PFAS: variants seen among roughly 807,000 people sequenced by gnomAD.
PFAS encodes the protein phosphoribosylformylglycinamidine synthase.
A neutral mutation model predicts 140.6 loss-of-function variants in PFAS; 97 were observed. The observed-to-expected ratio is 0.69, with a 90% CI of 0.59 to 0.82. The LOEUF is 0.82. Ranked by LOEUF, PFAS falls within the 40% of genes least tolerant of loss-of-function variation. The pLI is 0.00. For synonymous variants in PFAS, 679 were observed against 718.8 expected, an observed-to-expected ratio of 0.94 and a Z score of 0.88; for missense variants, 1,656 against 1,780.2, an observed-to-expected ratio of 0.93 and a Z score of 1.26.
In PFAS at chr17:8,265,384, G is replaced by A; in HGVS notation, c.2377G>A (p.Ala793Thr). Residue 793 changes from alanine (A) to threonine (T), a missense_variant, in exon 19 of 28, where the codon GCA (alanine) becomes ACA (threonine). Around this residue, in one of 2 missense-constraint regions of PFAS, gnomAD observed 883 missense variants for 1,023.0 expected, o/e 0.86. Coordinates refer to ENST00000314666, the MANE Select transcript of PFAS (RefSeq NM_012393.3). The stretch of plus-strand genomic sequence containing the variant: ...CTGTGAGGCTATGGTGGCAGTGATG[G>A]CAGCCCTGGGTGTGGCAGTGGATGG... The part of the protein sequence containing the change: ...DACEAMVAVM[A>T]ALGVAVDGGK... 2 of 1,614,186 alleles carry A rather than the reference G, an allele frequency of 1.2e-6. No individual in the cohort carries two copies. Among genetic ancestry groups the A allele is most frequent in the Non-Finnish European group, 1.7e-6 (2 of 1,180,024 alleles).
At position 8,266,624 on chromosome 17, in the gene PFAS, T is replaced by A. The variant is rs1989824663; in HGVS notation, c.2822-129T>A. 1 of 1,499,954 alleles carries A rather than the reference T, an allele frequency of 6.7e-7. No individual in the cohort carries two copies. Among genetic ancestry groups the A allele is most frequent in the Non-Finnish European group, 8.8e-7 (1 of 1,132,138 alleles). The allele number at this position is 1,499,954 out of a possible 1,614,324, so 92.9% of individuals were successfully genotyped here. A position where few individuals can be genotyped will look rare whatever the true frequency, so the allele number is the denominator to read the frequency against. On this transcript the variant is annotated intron_variant, in intron 22 of 27. Transcript: ENST00000314666. This position sits in a 1 kb window ranked among gnomAD's most constrained non-coding sequence, Gnocchi z 5.0. ...CTGCCGTCCTAGCCCTCATCCTCCC[T>A]GATCCCTACCCTACTCTCTGGCTGC...
rs1380189663 is a variant in PFAS at position 8,267,090 on chromosome 17, C to T, written c.3030C>T (p.Leu1010=). The change falls in exon 24 of 28, where the codon CTC becomes CTT. Residue 1010 remains leucine, a synonymous_variant. Coordinates refer to ENST00000314666, the MANE Select transcript of PFAS (RefSeq NM_012393.3). The surrounding 1 kb of genome is among the most constrained non-coding windows in gnomAD (Gnocchi z 4.9). ...LEEPVGELRA[L]WEETSFQLDR... is the part of the protein sequence containing the mutation. ...AGCCTGTTGGGGAGCTGCGAGCCCTCTGGGAGGAGACGAGTTTCCAGCTGG... is the reference window on the plus strand; with the variant it reads ...AGCCTGTTGGGGAGCTGCGAGCCCTTTGGGAGGAGACGAGTTTCCAGCTGG... 2 of 1,614,008 alleles carry T rather than the reference C, an allele frequency of 1.2e-6. No individual in the cohort carries two copies. The highest frequency in any genetic ancestry group is 1.7e-6 in the Non-Finnish European group (2 of 1,179,984).
Position 8,256,364 on chromosome 17 carries a change from T to C in PFAS, c.778T>C (p.Ser260Pro), listed in dbSNP as rs376354399. ...TGAGTCCATCATGAGCACCCAGGAA[T>C]CCTCGAACCCCAACAACGTCCTCAA... ...LFESIMSTQE[S>P]SNPNNVLKFC... The change falls in exon 7 of 28, where the codon TCC becomes CCC. Residue 260 changes from serine to proline, a missense_variant. Around this residue, in one of 2 missense-constraint regions of PFAS, gnomAD observed 773 missense variants for 757.3 expected, o/e 1.02. Coordinates refer to ENST00000314666, the MANE Select transcript of PFAS (RefSeq NM_012393.3). 11 of 1,613,950 alleles carry C rather than the reference T, an allele frequency of 6.8e-6. No individual in the cohort carries two copies. Among genetic ancestry groups the C allele is most frequent in the African/African-American group, 1.3e-5 (1 of 74,914 alleles).
At chr17:8,254,114 C>A in intron 2 of PFAS, 35 bp downstream of exon 2, 1 of 1,613,822 alleles carries the variant, frequency 6.2e-7, no homozygotes, top group African/African-American at 1.3e-5. Flanking sequence ...GGGGGACATG[C>A]CTCGGTGCTG....
Position 8,256,301 on chromosome 17 carries a change from C to T in PFAS, c.715C>T (p.Leu239Phe), listed in dbSNP as rs1989362537. 6.2e-7 allele frequency: 1 copy of T among 1,613,974 alleles called. No homozygotes were observed. The highest frequency in any genetic ancestry group is 1.7e-5 in the Admixed American group (1 of 59,998). ...HSRHWFFKGQ[L>F]HVDGQKLVHS... ...CCGACACTGGTTCTTCAAGGGCCAGCTCCACGTGGATGGGCAGAAGCTGGT... is the reference window on the plus strand; with the variant it reads ...CCGACACTGGTTCTTCAAGGGCCAGTTCCACGTGGATGGGCAGAAGCTGGT... Residue 239 changes from leucine (L) to phenylalanine (F), a missense_variant, in exon 7 of 28, where the codon CTC becomes TTC. This residue lies in a region of PFAS where 773 missense variants were observed against 757.3 expected (regional missense o/e 1.02). Transcript: ENST00000314666.
At chr17:8,256,814 C>G (rs77759461) in intron 8 of PFAS, 21 bp from the exon 9 acceptor site, 24,798 of 1,582,782 alleles carry the variant, frequency 0.016, 258 homozygotes, top group Middle Eastern at 0.057. Flanking sequence ...ACCCAGACCT[C>G]TCCCCACTCT....
intron 26 of PFAS, 118 bp from the exon 27 acceptor site, chr17:8,268,415 A>G (rs1597431965): frequency 1.6e-6 from 1 of 637,954 alleles, no homozygotes. Context: ...GGAAGGAGGG[A>G]GGGAGGGAAA....
chr17:8,249,049 G>C (rs1007770466), upstream of PFAS, among the ~76,000 whole-genome samples: 1 of 152,200 alleles, frequency 6.6e-6, no homozygotes, highest in Admixed American at 6.5e-5. Flanking sequence ...TCACATGCTT[G>C]CTTTATGGCC....
At position 8,263,435 on chromosome 17, in the gene PFAS, G is replaced by A. The variant is rs961423867; in HGVS notation, c.1568-140G>A. 8.7e-5 allele frequency: 87 copies of A among 1,002,794 alleles called. No individual in the cohort carries two copies. In the African/African-American group the frequency reaches 9.7e-4, roughly 11 times the overall value. The allele number at this position is 1,002,794 out of a possible 1,614,324, so 62.1% of individuals were successfully genotyped here. A position where few individuals can be genotyped will look rare whatever the true frequency, so the allele number is the denominator to read the frequency against. On this transcript the variant is annotated intron_variant, in intron 13 of 27. Coordinates refer to ENST00000314666, the MANE Select transcript of PFAS (RefSeq NM_012393.3). ...GTTGGAAGGGTGGAAGCCTGCTGCC[G>A]TGGGATGATTGGTGGTAAGGGTGCG...
At position 8,269,138 on chromosome 17, in the gene PFAS, C is replaced by T. The variant is rs2151599156; in HGVS notation, c.3891C>T (p.His1297=). The T allele has an allele frequency of 1.2e-6, 2 of 1,613,986 alleles. No homozygotes were observed. Among genetic ancestry groups the T allele is most frequent in the Middle Eastern group, 1.6e-4 (1 of 6,062 alleles). Residue 1297 remains histidine (H), a synonymous_variant, in exon 28 of 28, where the codon CAC becomes CAT. Coordinates refer to ENST00000314666, the MANE Select transcript of PFAS (RefSeq NM_012393.3). The part of the protein sequence containing the change: ...CDGRHLAVMP[H]PERAVRPWQW... ...GCCGCCACCTGGCTGTCATGCCTCA[C>T]CCTGAGCGGGCCGTTAGGCCTTGGC...
Position 8,255,119 on chromosome 17 carries a change from G to A in PFAS, c.371G>A (p.Arg124His), listed in dbSNP as rs1265672905. 3 of 1,610,562 alleles carry A rather than the reference G, an allele frequency of 1.9e-6. No individual in the cohort carries two copies. The highest frequency in any genetic ancestry group is 1.7e-4 in the Middle Eastern group (1 of 6,048). ...GPVDRVETTR[R>H]YRLSFAHPPS... ...GTGGATCGTGTGGAGACCACCCGGC[G>A]CTACCGGCTCTCGGTGAGGTGATGG... The change falls in exon 4 of 28, where the codon CGC becomes CAC. Residue 124 changes from arginine to histidine, a missense_variant. Arg to His is a conservative substitution (Grantham distance 29, BLOSUM62 0). This residue lies in a region of PFAS where 773 missense variants were observed against 757.3 expected (regional missense o/e 1.02). Transcript: ENST00000314666.
Position 8,265,561 on chromosome 17 carries a change from C to T in PFAS, c.2467C>T (p.Leu823=). 1 of 1,614,110 alleles carries T rather than the reference C, an allele frequency of 6.2e-7. No individual in the cohort carries two copies. Among genetic ancestry groups the T allele is most frequent in the Non-Finnish European group, 8.5e-7 (1 of 1,179,938 alleles). ...GACTCCTCCTTGCTCTACAGGGTCA[C>T]TGGTCATCTCAGCCTATGCCGTCTG... The part of the protein sequence containing the change: ...GTETVRAPGS[L]VISAYAVCPD... The change falls in exon 20 of 28, where the codon CTG becomes TTG. Residue 823 remains leucine, a synonymous_variant. Coordinates refer to ENST00000314666, the MANE Select transcript of PFAS (RefSeq NM_012393.3).
At position 8,255,092 on chromosome 17, in the gene PFAS, C is replaced by T. The variant is rs374262908; in HGVS notation, c.344C>T (p.Pro115Leu). The change falls in exon 4 of 28, where the codon CCT (proline) becomes CTT (leucine). Residue 115 changes from proline (P) to leucine (L), a missense_variant. Around this residue, in one of 2 missense-constraint regions of PFAS, gnomAD observed 773 missense variants for 757.3 expected, o/e 1.02. Coordinates refer to ENST00000314666, the MANE Select transcript of PFAS (RefSeq NM_012393.3). ...GTGTGCCGCGCCACTGGGCTGGGGC[C>T]TGTGGATCGTGTGGAGACCACCCGG... is the stretch of plus-strand genomic sequence containing the variant. ...VSVCRATGLG[P>L]VDRVETTRRY... is the part of the protein sequence containing the mutation. 5.6e-6 allele frequency: 9 copies of T among 1,613,730 alleles called. No homozygotes were observed. The highest frequency in any genetic ancestry group is 6.8e-6 in the Non-Finnish European group (8 of 1,179,980).
rs749899873 is a variant in PFAS at position 8,258,087 on chromosome 17, GGGCCTCCAGC to G, written c.1225_1234del (p.Gly409SerfsTer27). 1 of 1,614,122 alleles carries G rather than the reference GGGCCTCCAGC, an allele frequency of 6.2e-7. No individual in the cohort carries two copies. The highest frequency in any genetic ancestry group is 8.5e-7 in the Non-Finnish European group (1 of 1,180,028). On this transcript the variant is annotated frameshift_variant, in exon 11 of 28. Transcript: ENST00000314666. LOFTEE classifies it high-confidence loss of function. The stretch of plus-strand genomic sequence containing the variant: ...ACACTCCAGGCTTCGCCCGCTCCTT[GGGCCTCCAGC>G]TCCCAGACGGCCAGCGGCGTGAGTG...
In PFAS at chr17:8,266,532, A is replaced by G. The variant is rs1989821398; in HGVS notation, c.2821+179A>G. On this transcript the variant is annotated intron_variant, in intron 22 of 27. Transcript: ENST00000314666. The surrounding 1 kb of genome is among the most constrained non-coding windows in gnomAD (Gnocchi z 5.0). ...TGGATGGAACTGGCTGACACCCACC[A>G]TGTTCCTGACTGCACCCCTCTGAGA... The G allele has an allele frequency of 6.9e-7, 1 of 1,453,332 alleles. No individual in the cohort carries two copies. Among genetic ancestry groups the G allele is most frequent in the South Asian group, 1.4e-5 (1 of 69,110 alleles). 90.0% of individuals were successfully genotyped at this position (1,453,332 alleles called of 1,614,324 possible). A position where few individuals can be genotyped will look rare whatever the true frequency, so the allele number is the denominator to read the frequency against.
intron 9 of PFAS, among the ~76,000 whole-genome samples, chr17:8,257,505 A>G (rs528429928): frequency 1.2e-4 from 18 of 152,298 alleles, no homozygotes; most frequent in Admixed American, 4.6e-4. Context: ...TCAGTGAGCC[A>G]AGATCACGCC....
intron 13 of PFAS, 62 bp from the exon 14 acceptor site, chr17:8,263,513 G>A: frequency 7.1e-7 from 1 of 1,403,518 alleles, no homozygotes; most frequent in Admixed American, 1.7e-5. Context: ...GGAGGCCAGG[G>A]ACTGCCCTTT....
Position 8,261,909 on chromosome 17 carries a change from T to C in PFAS, c.1337-1011T>C, listed in dbSNP as rs115956371. ...TATGGGTGAGTTCTCCCACAGTTTC[T>C]ACCCTGGAGCCCCCAGGCTTCAGGA... On this transcript the variant is annotated intron_variant, in intron 11 of 27. Transcript: ENST00000314666. Among the ~76,000 whole-genome samples the C allele has an allele frequency of 3.3e-3, 501 of 151,824 alleles. 3 individuals are homozygous for C. The highest frequency in any genetic ancestry group is 0.012 in the African/African-American group (487 of 41,410).
In PFAS at chr17:8,266,065, A is replaced by C. The variant is rs374115310; in HGVS notation, c.2701+48A>C. The C allele has an allele frequency of 5.3e-5, 83 of 1,555,256 alleles. No homozygotes were observed. In the African/African-American group the frequency reaches 1.1e-3, roughly 20 times the overall value. ...ATAGCGCACAGGGTGCCAGGCGTGCAGCAGGCGTTCACCATCTGAGCAGTG... is the reference window on the plus strand; with the variant it reads ...ATAGCGCACAGGGTGCCAGGCGTGCCGCAGGCGTTCACCATCTGAGCAGTG... On this transcript the variant is annotated intron_variant, in intron 21 of 27. Coordinates refer to ENST00000314666, the MANE Select transcript of PFAS (RefSeq NM_012393.3). The surrounding 1 kb of genome is among the most constrained non-coding windows in gnomAD (Gnocchi z 5.0).
Sources: allele counts gnomAD v4.1 joint callset (sites outside exome capture counted in the v4.1 genomes callset), GRCh38; gene constraint gnomAD v4.1.1; regional missense constraint gnomAD v4.1.1; non-coding constraint Gnocchi (gnomAD v3.1); transcripts MANE v1.5; gene names NCBI Gene and HGNC (gene_info 2026-07-23, HGNC 2026-07-21).